KLK5: variants seen among roughly 807,000 people sequenced by gnomAD.
The protein encoded by KLK5 is kallikrein related peptidase 5.
A neutral mutation model predicts 24.0 loss-of-function variants in KLK5; 18 were observed. That is an observed-to-expected ratio of 0.75 (90% confidence interval 0.52 to 1.11). KLK5 has a LOEUF of 1.11. KLK5 is among the 50% of genes most tolerant of loss of function. The probability of loss-of-function intolerance (pLI) is 0.00; values close to 1 mark genes in which losing one functional copy is unlikely to be tolerated. For missense variants in KLK5, 374 were observed against 379.2 expected (o/e 0.99, Z 0.11); for synonymous variants, 140 against 154.0 (o/e 0.91, Z 0.67).
Position 50,947,974 on chromosome 19 carries a change from T to C in KLK5, c.726+666A>G, listed in dbSNP as rs1393582035. Among the ~76,000 whole-genome samples the C allele has an allele frequency of 1.3e-5, 2 of 152,226 alleles. No individual in the cohort carries two copies. The highest frequency in any genetic ancestry group is 4.8e-5 in the African/African-American group (2 of 41,468). On this transcript the variant is annotated intron_variant, in intron 5 of 5. Transcript: ENST00000336334. This position sits in a 1 kb window ranked among gnomAD's most constrained non-coding sequence, Gnocchi z 8.7. ...AGATGTGCTGTCAGCATAACATATA[T>C]ACTCACTTTCAAAGACTTAATATGA...
intron 2 of KLK5, among the ~76,000 whole-genome samples, chr19:50,951,360 C>T (rs560961952): frequency 2.0e-5 from 3 of 152,196 alleles, no homozygotes; most frequent in South Asian, 4.2e-4. Flanking sequence ...GCAACCTCCA[C>T]CTCCCGGGTT....
In KLK5 at chr19:50,949,980, T is replaced by C. The variant is rs371540827; in HGVS notation, c.210A>G (p.Gly70=). 138 of 1,613,574 alleles carry C rather than the reference T, an allele frequency of 8.6e-5. No homozygotes were observed. In the South Asian group the frequency reaches 1.1e-3, roughly 13 times the overall value. Residue 70 remains glycine (G), a synonymous_variant, in exon 3 of 6, where the codon GGA becomes GGG. Transcript: ENST00000336334. ...SDDSSSRIIN[G]SDCDMHTQPW... is the part of the protein sequence containing the mutation. ...GCTGGGTGTGCATATCGCAGTCGGA[T>C]CCATTGATGATGCGGCTGCTGCTGT...
Position 50,949,994 on chromosome 19 carries a change from G to A in KLK5, c.196C>T (p.Arg66Cys), listed in dbSNP as rs200734928. Residue 66 changes from arginine to cysteine, a missense_variant, in exon 3 of 6, where the codon CGC (arginine) becomes TGC (cysteine). Physicochemically the swap from Arg to Cys is radical, Grantham distance 180. Coordinates refer to ENST00000336334, the MANE Select transcript of KLK5 (RefSeq NM_012427.5). ...TCGCAGTCGGATCCATTGATGATGC[G>A]GCTGCTGCTGTCATCCGACCGGGCG... ...EDARSDDSSS[R>C]IINGSDCDMH... 1.2e-5 allele frequency: 20 copies of A among 1,613,580 alleles called. No individual in the cohort carries two copies. The highest frequency in any genetic ancestry group is 3.3e-5 in the South Asian group (3 of 91,020).
At chr19:50,945,657 G>C (rs2090625460) in intron 5 of KLK5, among the ~76,000 whole-genome samples, 1 of 151,616 alleles carries the variant, frequency 6.6e-6, no homozygotes, top group Non-Finnish European at 1.5e-5. Context: ...CAGGCATGGT[G>C]GTGGGTGCCT....
intron 2 of KLK5, among the ~76,000 whole-genome samples, chr19:50,951,497 C>G (rs1055683251): frequency 2.6e-5 from 4 of 152,106 alleles, no homozygotes; most frequent in African/African-American, 4.8e-5. Flanking sequence ...GCCTCGATCT[C>G]CCGACCTCAG....
At position 50,952,959 on chromosome 19, in the gene KLK5, C is replaced by A. The variant is rs1451655268; in HGVS notation, c.-224G>T. On this transcript the variant is annotated 5_prime_UTR_variant, in exon 1 of 6. Transcript: ENST00000336334. ...ACCAGGTCTCACTTGCCCTGTCCCC[C>A]AGGTAGGGGGTGGGGGATTTGCTCC... 7.4e-6 allele frequency: 2 copies of A among 270,152 alleles called. No homozygotes were observed. The highest frequency in any genetic ancestry group is 1.4e-5 in the Non-Finnish European group (2 of 144,354). 16.7% of individuals were successfully genotyped at this position (270,152 alleles called of 1,614,324 possible). A position where few individuals can be genotyped will look rare whatever the true frequency, so the allele number is the denominator to read the frequency against.
intron 5 of KLK5, 75 bp downstream of exon 5, chr19:50,948,565 C>T (rs2090655017): frequency 1.3e-6 from 2 of 1,506,038 alleles, no homozygotes; most frequent in Non-Finnish European, 9.2e-7. Flanking sequence ...GCTGGATTCT[C>T]AGAATTTGGC....
At chr19:50,950,247 G>A in intron 2 of KLK5, 131 bp from the exon 3 acceptor site, 3 of 822,762 alleles carry the variant, frequency 3.6e-6, no homozygotes, top group East Asian at 2.6e-5. Flanking sequence ...GCAGGGCCTG[G>A]AGAATAAGAG....
At position 50,949,995 on chromosome 19, in the gene KLK5, G is replaced by C; in HGVS notation, c.195C>G (p.Ser65Arg). The change falls in exon 3 of 6, where the codon AGC (serine) becomes AGG (arginine). Residue 65 changes from serine (S) to arginine (R), a missense_variant. Coordinates refer to ENST00000336334, the MANE Select transcript of KLK5 (RefSeq NM_012427.5). ...GEDARSDDSS[S>R]RIINGSDCDM... ...CGCAGTCGGATCCATTGATGATGCG[G>C]CTGCTGCTGTCATCCGACCGGGCGT... 2 of 1,613,652 alleles carry C rather than the reference G, an allele frequency of 1.2e-6. No individual in the cohort carries two copies. Among genetic ancestry groups the C allele is most frequent in the Non-Finnish European group, 1.7e-6 (2 of 1,179,906 alleles).
chr19:50,952,560 C>G, intron 2 of KLK5, 25 bp downstream of exon 2: 13 of 1,561,362 alleles, frequency 8.3e-6, no homozygotes, highest in Non-Finnish European at 1.1e-5. Context: ...ATCCCACAAC[C>G]CTCCCACCCC....
At chr19:50,943,887 TGG>T (rs2090609749) in intron 5 of KLK5, 101 bp from the exon 6 acceptor site, 1 of 854,700 alleles carries the variant, frequency 1.2e-6, no homozygotes, top group African/African-American at 1.7e-5. Context: ...GAGAAGCAGA[TGG>T]GAACAGACAC....
chr19:50,947,453 C>T lies in KLK5; in HGVS notation c.726+1187G>A, dbSNP rs778746781. 6.6e-6 allele frequency among the ~76,000 whole-genome samples: 1 copy of T among 152,148 alleles called. No homozygotes were observed. Among genetic ancestry groups the T allele is most frequent in the Non-Finnish European group, 1.5e-5 (1 of 68,030 alleles). On this transcript the variant is annotated intron_variant, in intron 5 of 5. Transcript: ENST00000336334. This position sits in a 1 kb window ranked among gnomAD's most constrained non-coding sequence, Gnocchi z 8.7. ...ACCTCTCCAAGGAGGCTCCCCTGAC[C>T]ACCTTTTTGAATATTGGCCCTTATT...
intron 5 of KLK5, 106 bp downstream of exon 5, chr19:50,948,534 G>T: frequency 1.8e-6 from 2 of 1,105,208 alleles, no homozygotes; most frequent in Non-Finnish European, 2.7e-6. Flanking sequence ...GAGAACAGGG[G>T]TCCTGACTGT....
chr19:50,948,885 C>G lies in KLK5; in HGVS notation c.566G>C (p.Gly189Ala). 1 of 1,614,036 alleles carries G rather than the reference C, an allele frequency of 6.2e-7. No individual in the cohort carries two copies. The highest frequency in any genetic ancestry group is 8.5e-7 in the Non-Finnish European group (1 of 1,180,014). ...PSAGTKCLVS[G>A]WGTTKSPQVH... ...TTGGGGGCTCTTGGTTGTCCCCCAGCCAGACACCAAGCACTTTGTCCCAGC... is the reference window on the plus strand; with the variant it reads ...TTGGGGGCTCTTGGTTGTCCCCCAGGCAGACACCAAGCACTTTGTCCCAGC... Residue 189 changes from glycine to alanine, a missense_variant, in exon 4 of 6, where the codon GGC (glycine) becomes GCC (alanine). By Grantham distance (60) the Gly-to-Ala change is moderately conservative. Transcript: ENST00000336334.
chr19:50,952,996 C>T lies in KLK5; in HGVS notation c.-261G>A, dbSNP rs933935471. 22 of 215,258 alleles carry T rather than the reference C, an allele frequency of 1.0e-4. No individual in the cohort carries two copies. Among genetic ancestry groups the T allele is most frequent in the Non-Finnish European group, 1.6e-4 (18 of 109,356 alleles). 13.3% of individuals were successfully genotyped at this position (215,258 alleles called of 1,614,324 possible). A position where few individuals can be genotyped will look rare whatever the true frequency, so the allele number is the denominator to read the frequency against. Reference sequence around the variant, plus strand: ...GGGGGATTTGCTCCCAGCTCAGCCGCAGACTTCTCAGGCCTGTGCCTTCCT... The same window carrying T: ...GGGGGATTTGCTCCCAGCTCAGCCGTAGACTTCTCAGGCCTGTGCCTTCCT... On this transcript the variant is annotated 5_prime_UTR_variant, in exon 1 of 6. Coordinates refer to ENST00000336334, the MANE Select transcript of KLK5 (RefSeq NM_012427.5).
intron 2 of KLK5, 77 bp downstream of exon 2, chr19:50,952,508 C>G (rs1347448401): frequency 1.8e-6 from 2 of 1,095,008 alleles, no homozygotes; most frequent in East Asian, 5.4e-5. Flanking sequence ...ACACAGTTCC[C>G]CAGGGGACAG....
chr19:50,944,393 G>T (rs549063890), intron 5 of KLK5, among the ~76,000 whole-genome samples: 135 of 152,128 alleles, frequency 8.9e-4, no homozygotes, highest in African/African-American at 2.9e-3. Context: ...ATTTCGGGGG[G>T]GTCTGTGACC....
At chr19:50,951,653 C>T (rs2090688814) in intron 2 of KLK5, among the ~76,000 whole-genome samples, 1 of 152,192 alleles carries the variant, frequency 6.6e-6, no homozygotes, top group Non-Finnish European at 1.5e-5. Context: ...ACAGCAGTAA[C>T]AGCCAAGCAC....
At chr19:50,951,084 A>C (rs1463574184) in intron 2 of KLK5, among the ~76,000 whole-genome samples, 1 of 151,952 alleles carries the variant, frequency 6.6e-6, no homozygotes, top group South Asian at 2.1e-4. Flanking sequence ...CAGGACCAGG[A>C]AAGAAGGGCT....
Sources: allele counts gnomAD v4.1 joint callset (sites outside exome capture counted in the v4.1 genomes callset), GRCh38; gene constraint gnomAD v4.1.1; non-coding constraint Gnocchi (gnomAD v3.1); transcripts MANE v1.5; gene names NCBI Gene and HGNC (gene_info 2026-07-23, HGNC 2026-07-21).